Variants in RGMB observed in about 807,000 individuals in gnomAD.
RGMB encodes repulsive guidance molecule B.
In RGMB, 16 loss-of-function variants were observed where a neutral mutation model predicts 26.9. That is an observed-to-expected ratio of 0.60 (90% confidence interval 0.40 to 0.90). The LOEUF (loss-of-function observed/expected upper bound fraction) is 0.90. RGMB is among the 40% of genes least tolerant of loss of function. The pLI is 0.00. For missense variants in RGMB, 512 were observed against 573.3 expected (o/e 0.89, Z 1.09); for synonymous variants, 225 against 229.3 (o/e 0.98, Z 0.17).
rs552676575 is a variant in RGMB at position 98,786,309 on chromosome 5, G to T, written c.645+6221G>T. Among the ~76,000 whole-genome samples the T allele has an allele frequency of 3.3e-5, 5 of 152,330 alleles. No individual in the cohort carries two copies. The East Asian group carries it at 9.6e-4, about 29-fold the overall frequency. Reference sequence around the variant, plus strand: ...GTGTGAGCCAGGCAAGATTCCGTGAGGGTGCTATGGGGCTCTGCTGCTTTA... The same window carrying T: ...GTGTGAGCCAGGCAAGATTCCGTGATGGTGCTATGGGGCTCTGCTGCTTTA... On this transcript the variant is annotated intron_variant, in intron 2 of 2. Coordinates refer to ENST00000513185, the MANE Select transcript of RGMB (RefSeq NM_001366508.1).
At chr5:98,793,053 C>T in intron 2 of RGMB, 32 bp from the exon 3 acceptor site, 1 of 1,534,948 alleles carries the variant, frequency 6.5e-7, no homozygotes, top group Non-Finnish European at 8.8e-7. Context: ...CCTTCCCATT[C>T]TGTTAAACCT....
chr5:98,788,151 G>A (rs927391266), intron 2 of RGMB, among the ~76,000 whole-genome samples: 1 of 152,200 alleles, frequency 6.6e-6, no homozygotes, highest in African/African-American at 2.4e-5. Flanking sequence ...TTTTAAGGTA[G>A]CTGATTTTTT....
At chr5:98,770,891 A>G (rs1746140352), upstream of RGMB, 1 of 398,722 alleles carries the variant, frequency 2.5e-6, no homozygotes. Flanking sequence ...TTGGGTACAC[A>G]GTGGCCGGGG....
chr5:98,788,899 TTTG>T (rs1340048819), intron 2 of RGMB, among the ~76,000 whole-genome samples: 20 of 152,336 alleles, frequency 1.3e-4, no homozygotes, highest in African/African-American at 4.8e-4. Context: ...TGGTTTCTTT[TTTG>T]TTCACTGGGG....
rs1031886715 is a variant in RGMB, at chr5:98,773,831, C to G, written c.-240C>G. On this transcript the variant is annotated 5_prime_UTR_variant, in exon 1 of 3. Transcript: ENST00000513185. Reference sequence around the variant, plus strand: ...TCTTCTCTTCCGCCCCTTTCCCTGCCTGCCGCCTCCGGCCGCCACGATGCC... The same window carrying G: ...TCTTCTCTTCCGCCCCTTTCCCTGCGTGCCGCCTCCGGCCGCCACGATGCC... 9 of 467,192 alleles carry G rather than the reference C, an allele frequency of 1.9e-5. No homozygotes were observed. The highest frequency in any genetic ancestry group is 3.0e-5 in the Non-Finnish European group (8 of 270,656). The allele number at this position is 467,192 out of a possible 1,614,324, so 28.9% of individuals were successfully genotyped here.
chr5:98,788,886 G>A (rs1319246487), intron 2 of RGMB, among the ~76,000 whole-genome samples: 1 of 152,218 alleles, frequency 6.6e-6, no homozygotes, highest in East Asian at 1.9e-4. Context: ...GCTCTTGTTG[G>A]AATGGTTTCT....
At chr5:98,768,881 CCGGCGGGCAGCTAGAGAACGTGG>C (rs1746058785), upstream of RGMB, 1 of 152,318 alleles carries the variant, frequency 6.6e-6, no homozygotes, top group South Asian at 2.1e-4. Context: ...TCTGCGGCTG[CCGGCGGGCAGCTAGAGAACGTGG>C]CGGGGGGCAG....
At chr5:98,787,338 C>T (rs1329214832) in intron 2 of RGMB, among the ~76,000 whole-genome samples, 10 of 152,160 alleles carry the variant, frequency 6.6e-5, no homozygotes, top group Admixed American at 2.6e-4. Flanking sequence ...CTAATCCCAT[C>T]GGTTTGGAGA....
In RGMB at chr5:98,777,495, C is replaced by T. The variant is rs555126018; in HGVS notation, c.137-2085C>T. On this transcript the variant is annotated intron_variant, in intron 1 of 2. Transcript: ENST00000513185. ...ATTGCAGTTAGGAAATAAGAGGAGA[C>T]GTGACCTGTGATGGAAGAACAACAA... Among the ~76,000 whole-genome samples the T allele has an allele frequency of 2.6e-5, 4 of 152,192 alleles. No individual in the cohort carries two copies. In the East Asian group the frequency reaches 5.8e-4, roughly 22 times the overall value.
intron 1 of RGMB, among the ~76,000 whole-genome samples, chr5:98,777,354 C>T (rs1307841284): frequency 6.6e-6 from 1 of 152,138 alleles, no homozygotes; most frequent in African/African-American, 2.4e-5. Context: ...CTTAAGAGCT[C>T]TTCATTACTG....
At chr5:98,775,638 T>C (rs1304933560) in intron 1 of RGMB, among the ~76,000 whole-genome samples, 1 of 152,310 alleles carries the variant, frequency 6.6e-6, no homozygotes, top group East Asian at 1.9e-4. Context: ...TGCCATAGGA[T>C]CCTGTGACAG....
chr5:98,779,826 C>T lies in RGMB; in HGVS notation c.383C>T (p.Ser128Phe), dbSNP rs1159712984. ...QRNCSKDGPTSSTNPEVTHDP... is the reference protein window; with the variant it reads ...QRNCSKDGPTFSTNPEVTHDP... ...AATTGTTCCAAGGATGGACCCACAT[C>T]CTCTACCAACCCCGAAGTGACCCAT... The change falls in exon 2 of 3, where the codon TCC becomes TTC. Residue 128 changes from serine to phenylalanine, a missense_variant. Ser to Phe is a radical substitution (Grantham distance 155, BLOSUM62 -2). Coordinates refer to ENST00000513185, the MANE Select transcript of RGMB (RefSeq NM_001366508.1). 11 of 1,614,044 alleles carry T rather than the reference C, an allele frequency of 6.8e-6. No individual in the cohort carries two copies. In the South Asian group the frequency reaches 7.7e-5, roughly 11 times the overall value.
At chr5:98,776,131 T>C (rs761152388) in intron 1 of RGMB, among the ~76,000 whole-genome samples, 76 of 152,214 alleles carry the variant, frequency 5.0e-4, no homozygotes, top group Admixed American at 3.3e-3. Context: ...GTAGTCCTGG[T>C]GTTAAAGAAA....
intron 2 of RGMB, among the ~76,000 whole-genome samples, chr5:98,787,898 C>A (rs10477827): frequency 0.011 from 1,715 of 152,306 alleles, 27 homozygotes; most frequent in African/African-American, 0.039. Context: ...GAGCTTGATG[C>A]TGCTTCTCTA....
At chr5:98,787,159 G>C (rs1304286029) in intron 2 of RGMB, among the ~76,000 whole-genome samples, 1 of 152,202 alleles carries the variant, frequency 6.6e-6, no homozygotes, top group Admixed American at 6.5e-5. Context: ...TAGGATTTCG[G>C]TTAACTCACT....
At chr5:98,770,665 A>G, upstream of RGMB, 1 of 1,469,254 alleles carries the variant, frequency 6.8e-7, no homozygotes, top group Non-Finnish European at 9.1e-7. Context: ...CGAAAGGGTT[A>G]AGAATGATGT....
intron 1 of RGMB, among the ~76,000 whole-genome samples, chr5:98,775,733 T>C (rs967148455): frequency 7.2e-5 from 11 of 152,342 alleles, no homozygotes; most frequent in African/African-American, 2.2e-4. Context: ...AAGTAGGGTG[T>C]CTTCGTTCAA....
rs142019134 is a variant in RGMB, at chr5:98,784,847, C to G, written c.645+4759C>G. Among the ~76,000 whole-genome samples the G allele has an allele frequency of 2.8e-3, 428 of 152,238 alleles. 1 individual carries two copies. Among genetic ancestry groups the G allele is most frequent in the African/African-American group, 9.2e-3 (384 of 41,528 alleles). On this transcript the variant is annotated intron_variant, in intron 2 of 2. Coordinates refer to ENST00000513185, the MANE Select transcript of RGMB (RefSeq NM_001366508.1). Reference sequence around the variant, plus strand: ...GGTCTGTGTTTTGAATCTATGGACACTGTTCTTGCATGCAGTGTTATAAAG... The same window carrying G: ...GGTCTGTGTTTTGAATCTATGGACAGTGTTCTTGCATGCAGTGTTATAAAG...
intron 2 of RGMB, chr5:98,781,166 T>A (rs1339622607): frequency 6.6e-6 from 1 of 152,228 alleles, no homozygotes; most frequent in African/African-American, 2.4e-5. Flanking sequence ...TTAAATAAAT[T>A]AAAGCTTATT....
Sources: gnomAD v4.1 joint callset for allele counts (sites outside exome capture counted in the v4.1 genomes callset) on GRCh38, gnomAD v4.1.1 for gene constraint, MANE v1.5 for transcripts, NCBI Gene and HGNC (gene_info 2026-07-23, HGNC 2026-07-21) for gene names.